RPS27: variants seen among roughly 807,000 people sequenced by gnomAD.
The protein encoded by RPS27 is ribosomal protein S27.
Under a neutral mutation model 11.8 loss-of-function variants are expected in RPS27, and 1 was observed. That is an observed-to-expected ratio of 0.08 (90% CI 0.03 to 0.40). RPS27 has a LOEUF of 0.40. Ranked by LOEUF, RPS27 falls within the 10% of genes least tolerant of loss-of-function variation. The pLI is 0.98. For missense variants in RPS27, 44 were observed against 100.1 expected (o/e 0.44, Z 2.39); for synonymous variants, 42 against 33.8 (o/e 1.24, Z -0.84).
In RPS27 at chr1:153,990,783, A is replaced by G. The variant is rs202030217; in HGVS notation, c.-14A>G. 1.2e-6 allele frequency: 2 copies of G among 1,614,186 alleles called. No individual in the cohort carries two copies. Among genetic ancestry groups the G allele is most frequent in the South Asian group, 1.1e-5 (1 of 91,084 alleles). On this transcript the variant is annotated 5_prime_UTR_variant, in exon 1 of 4. Transcript: ENST00000651669. Reference sequence around the variant, plus strand: ...CGCTCCTTTCCGGCGGTGACGACCTACGCACACGAGAACATGCCTGTGAGT... The same window carrying G: ...CGCTCCTTTCCGGCGGTGACGACCTGCGCACACGAGAACATGCCTGTGAGT...
intron 2 of RPS27, 95 bp downstream of exon 2, chr1:153,991,318 A>C: frequency 6.5e-7 from 1 of 1,534,902 alleles, no homozygotes; most frequent in Non-Finnish European, 8.8e-7. Flanking sequence ...GAAGCTGTGC[A>C]GCAGCTTCAG....
rs1649428081 is a variant in RPS27, at chr1:153,991,835, A to G, written c.226+159A>G. 4.5e-6 allele frequency: 3 copies of G among 668,980 alleles called. No homozygotes were observed. The East Asian group carries it at 7.9e-5, about 18-fold the overall frequency. 41.4% of individuals were successfully genotyped at this position (668,980 alleles called of 1,614,324 possible). Reference sequence around the variant, plus strand: ...TTGGTTGTTTTAACTAGATACTACCAAAAGCTATGTATTAATCTCAAAGCA... The same window carrying G: ...TTGGTTGTTTTAACTAGATACTACCGAAAGCTATGTATTAATCTCAAAGCA... On this transcript the variant is annotated intron_variant, in intron 3 of 3. Coordinates refer to ENST00000651669, the MANE Select transcript of RPS27 (RefSeq NM_001030.6).
chr1:153,990,802 T>A lies in RPS27; in HGVS notation c.6T>A (p.Pro2=), dbSNP rs1448259293. The A allele has an allele frequency of 6.2e-7, 1 of 1,614,240 alleles. No individual in the cohort carries two copies. Among genetic ancestry groups the A allele is most frequent in the South Asian group, 1.1e-5 (1 of 91,092 alleles). Residue 2 remains proline (P), a splice_region_variant and synonymous_variant, in exon 1 of 4, where the codon CCT becomes CCA. Transcript: ENST00000651669. ...CGACCTACGCACACGAGAACATGCC[T>A]GTGAGTGCTTTGGTCCAGGTTTCGG... M[P]LAKDLLHPSP...
Position 153,991,167 on chromosome 1 carries a change from A to G in RPS27, c.59A>G (p.Lys20Arg), listed in dbSNP as rs753560147. 2.5e-6 allele frequency: 4 copies of G among 1,599,966 alleles called. No homozygotes were observed. Among genetic ancestry groups the G allele is most frequent in the Non-Finnish European group, 3.4e-6 (4 of 1,171,466 alleles). ...CCAGAAGAGGAGAAGAGGAAACACA[A>G]GAAGAAACGCCTGGTGCAGAGCCCC... ...PSPEEEKRKH[K>R]KKRLVQSPNS... Residue 20 changes from lysine (K) to arginine (R), a missense_variant, in exon 2 of 4, where the codon AAG (lysine) becomes AGG (arginine). Lys to Arg is a conservative substitution (Grantham distance 26). Around this residue, in one of 2 missense-constraint regions of RPS27, gnomAD observed 23 missense variants for 83.8 expected, o/e 0.27. Transcript: ENST00000651669.
In RPS27 at chr1:153,990,772, G is replaced by A. The variant is rs201083351; in HGVS notation, c.-25G>A. On this transcript the variant is annotated 5_prime_UTR_variant, in exon 1 of 4. Transcript: ENST00000651669. ...ATTTCCGCTTTCGCTCCTTTCCGGC[G>A]GTGACGACCTACGCACACGAGAACA... 38 of 1,614,028 alleles carry A rather than the reference G, an allele frequency of 2.4e-5. No individual in the cohort carries two copies. The highest frequency in any genetic ancestry group is 3.1e-5 in the Non-Finnish European group (36 of 1,180,022).
intron 2 of RPS27, 105 bp downstream of exon 2, chr1:153,991,328 G>C (rs1571135250): frequency 1.3e-6 from 2 of 1,527,100 alleles, no homozygotes; most frequent in African/African-American, 1.4e-5. Flanking sequence ...AGCAGCTTCA[G>C]TTTCTTCGCC....
intron 2 of RPS27, 40 bp from the exon 3 acceptor site, chr1:153,991,526 G>A (rs1338321772): frequency 6.7e-7 from 1 of 1,484,980 alleles, no homozygotes; most frequent in South Asian, 1.1e-5. Context: ...GGAAAGACGG[G>A]TGTAATAGAG....
At chr1:153,991,034 G>T in intron 1 of RPS27, 81 bp from the exon 2 acceptor site, 1 of 1,225,796 alleles carries the variant, frequency 8.2e-7, no homozygotes. Context: ...AGCTCTCCCC[G>T]GTGTGTGACA....
At chr1:153,991,401 A>G (rs1006940689) in intron 2 of RPS27, 165 bp from the exon 3 acceptor site, 16 of 1,462,962 alleles carry the variant, frequency 1.1e-5, no homozygotes, top group African/African-American at 2.9e-5. Context: ...AAAGTTTTGC[A>G]TCTTAGGAGG....
chr1:153,991,182 T>G lies in RPS27; in HGVS notation c.74T>G (p.Val25Gly), dbSNP rs1649375721. The change falls in exon 2 of 4, where the codon GTG (valine) becomes GGG (glycine). Residue 25 changes from valine (V) to glycine (G), a missense_variant. Physicochemically the swap from Val to Gly is moderately radical, Grantham distance 109 (BLOSUM62 -3). Around this residue, in one of 2 missense-constraint regions of RPS27, gnomAD observed 23 missense variants for 83.8 expected, o/e 0.27. Coordinates refer to ENST00000651669, the MANE Select transcript of RPS27 (RefSeq NM_001030.6). ...AGGAAACACAAGAAGAAACGCCTGG[T>G]GCAGAGCCCCAATTCCTACTTCATG... ...EKRKHKKKRL[V>G]QSPNSYFMDV... is the part of the protein sequence containing the mutation. 6.3e-7 allele frequency: 1 copy of G among 1,599,460 alleles called. No individual in the cohort carries two copies. Among genetic ancestry groups the G allele is most frequent in the African/African-American group, 1.3e-5 (1 of 74,712 alleles).
intron 2 of RPS27, 57 bp downstream of exon 2, chr1:153,991,280 G>A (rs771119590): frequency 6.4e-7 from 1 of 1,561,046 alleles, no homozygotes; most frequent in South Asian, 1.2e-5. Flanking sequence ...GTTGGAAAAT[G>A]TTGTAGTGTT....
intron 3 of RPS27, 47 bp downstream of exon 3, chr1:153,991,723 GA>G: frequency 8.1e-7 from 1 of 1,235,962 alleles, no homozygotes. Flanking sequence ...TTGATTTTTA[GA>G]AATGGAAACA....
Position 153,990,792 on chromosome 1 carries a change from A to C in RPS27, c.-5A>C. 1 of 1,614,248 alleles carries C rather than the reference A, an allele frequency of 6.2e-7. No homozygotes were observed. The highest frequency in any genetic ancestry group is 1.1e-5 in the South Asian group (1 of 91,092). On this transcript the variant is annotated 5_prime_UTR_variant, in exon 1 of 4. Coordinates refer to ENST00000651669, the MANE Select transcript of RPS27 (RefSeq NM_001030.6). ...CCGGCGGTGACGACCTACGCACACG[A>C]GAACATGCCTGTGAGTGCTTTGGTC... is the stretch of plus-strand genomic sequence containing the variant.
chr1:153,991,955 A>G, intron 3 of RPS27, 110 bp from the exon 4 acceptor site: 1 of 1,040,514 alleles, frequency 9.6e-7, no homozygotes, highest in Non-Finnish European at 1.5e-6. Flanking sequence ...AAGAGTTGAG[A>G]AAAAAGATGT....
chr1:153,991,815 T>G (rs777181463), intron 3 of RPS27, 139 bp downstream of exon 3: 52 of 681,954 alleles, frequency 7.6e-5, no homozygotes, highest in Non-Finnish European at 1.2e-4. Context: ...TGGATTTGGT[T>G]GTTTTAACTA....
intron 2 of RPS27, 151 bp from the exon 3 acceptor site, chr1:153,991,415 G>A (rs1189560762): frequency 9.8e-6 from 14 of 1,426,122 alleles, no homozygotes; most frequent in Admixed American, 7.1e-5. Context: ...TAGGAGGAGT[G>A]ATTCATTTCA....
chr1:153,991,258 T>A (rs919382718), intron 2 of RPS27, 35 bp downstream of exon 2: 15 of 1,573,756 alleles, frequency 9.5e-6, no homozygotes, highest in Non-Finnish European at 1.3e-5. Context: ...GGGAAAGCAC[T>A]GGACCTCAAC....
rs563810268 is a variant in RPS27 at position 153,992,017 on chromosome 1, A to G, written c.227-48A>G. On this transcript the variant is annotated intron_variant, in intron 3 of 3. Transcript: ENST00000651669. ...ATCTGCTTTTTTGGGAGAGGTGGGC[A>G]GAATACCTGTACTGATGACAGCTAA... 226 of 1,581,944 alleles carry G rather than the reference A, an allele frequency of 1.4e-4. 4 individuals carry two copies. In the South Asian group the frequency reaches 2.3e-3, roughly 16 times the overall value.
At chr1:153,991,375 A>G in intron 2 of RPS27, 152 bp downstream of exon 2, 1 of 1,506,882 alleles carries the variant, frequency 6.6e-7, no homozygotes, top group Non-Finnish European at 8.9e-7. Flanking sequence ...TTAAAATTTG[A>G]ATGTATGAGA....
Sources: allele counts gnomAD v4.1 joint callset, GRCh38; gene constraint gnomAD v4.1.1; regional missense constraint gnomAD v4.1.1; transcripts MANE v1.5; gene names NCBI Gene and HGNC (gene_info 2026-07-23, HGNC 2026-07-21).